The following TAOK3 variants were observed in gnomAD, a reference collection of about 807,000 sequenced individuals.
TAOK3 encodes serine/threonine-protein kinase TAO3.
A neutral mutation model predicts 120.4 loss-of-function variants in TAOK3; 40 were observed. The ratio of observed to expected loss-of-function variants is 0.33; its 90% CI spans 0.26 to 0.43. The LOEUF (loss-of-function observed/expected upper bound fraction) is 0.43. Ranked by LOEUF, TAOK3 falls within the 20% of genes least tolerant of loss-of-function variation. The pLI, the probability that TAOK3 is intolerant of heterozygous loss-of-function variation, is 1.00. For missense variants in TAOK3, 821 were observed against 1,112.1 expected (o/e 0.74, Z 3.72); for synonymous variants, 355 against 387.5 (o/e 0.92, Z 0.99).
At chr12:118,297,375 G>T (rs1047109410) in intron 1 of TAOK3, among the ~76,000 whole-genome samples, 1 of 152,122 alleles carries the variant, frequency 6.6e-6, no homozygotes, top group Non-Finnish European at 1.5e-5. Context: ...TGCTTTCTAT[G>T]TCATTCTCTG....
chr12:118,354,359 A>T (rs1157692279), intron 1 of TAOK3, among the ~76,000 whole-genome samples: 2 of 152,220 alleles, frequency 1.3e-5, no homozygotes, highest in African/African-American at 2.4e-5. Context: ...ATAGGCACGT[A>T]GCATCTACAG....
intron 6 of TAOK3, 95 bp from the exon 7 acceptor site, chr12:118,238,264 C>G (rs546928298): frequency 6.4e-6 from 4 of 626,290 alleles, no homozygotes; most frequent in Non-Finnish European, 1.1e-5. Context: ...TACATACTTT[C>G]TCACATGACA....
chr12:118,364,779 C>T (rs2045698728), intron 1 of TAOK3, among the ~76,000 whole-genome samples: 1 of 152,132 alleles, frequency 6.6e-6, no homozygotes, highest in Non-Finnish European at 1.5e-5. Context: ...GTGGCGGGTG[C>T]CTGTAATCGC....
rs1233883420 is a variant in TAOK3, at chr12:118,160,834, T to C, written c.2140-476A>G. 1.3e-5 allele frequency among the ~76,000 whole-genome samples: 2 copies of C among 152,198 alleles called. No individual in the cohort carries two copies. The highest frequency in any genetic ancestry group is 2.4e-5 in the African/African-American group (1 of 41,452). On this transcript the variant is annotated intron_variant, in intron 18 of 20. Transcript: ENST00000392533. The surrounding 1 kb of genome is among the most constrained non-coding windows in gnomAD (Gnocchi z 4.2). ...CTCTCACTGCTCTGGTTTATAGCAA[T>C]TTCTTATCAACTCCATAAAGGAGAG... is the stretch of plus-strand genomic sequence containing the variant.
chr12:118,191,681 C>T (rs1378081705), intron 13 of TAOK3, among the ~76,000 whole-genome samples: 5 of 152,076 alleles, frequency 3.3e-5, no homozygotes, highest in African/African-American at 1.2e-4. Context: ...CAGGGAAGAG[C>T]GAGAACGTGT....
intron 2 of TAOK3, among the ~76,000 whole-genome samples, chr12:118,263,975 A>G (rs1764770381): frequency 6.6e-6 from 1 of 152,116 alleles, no homozygotes; most frequent in African/African-American, 2.4e-5. Context: ...CTGAGGAAGG[A>G]GAAGTGCTTG....
intron 1 of TAOK3, among the ~76,000 whole-genome samples, chr12:118,358,170 C>CA (rs906414604): frequency 1.3e-4 from 19 of 150,254 alleles, no homozygotes; most frequent in African/African-American, 1.9e-4. Context: ...GATGACATGT[C>CA]AAAAAAAAAG....
rs568658036 is a variant in TAOK3 at position 118,225,848 on chromosome 12, T to A, written c.643+7826A>T. ...CAATCTGTCCATCGCCTCATATAGT[T>A]ACTATTTTTTTTTGTTGTAGGAACA... On this transcript the variant is annotated intron_variant, in intron 9 of 20. Transcript: ENST00000392533. Among the ~76,000 whole-genome samples, 3 of 152,338 alleles carry A rather than the reference T, an allele frequency of 2.0e-5. No homozygotes were observed. The South Asian group carries it at 6.2e-4, about 32-fold the overall frequency.
At chr12:118,279,043 G>T (rs927933481) in intron 1 of TAOK3, among the ~76,000 whole-genome samples, 2 of 152,106 alleles carry the variant, frequency 1.3e-5, no homozygotes, top group South Asian at 4.1e-4. Context: ...CTGACCTCTT[G>T]ATCACCACAG....
intron 17 of TAOK3, among the ~76,000 whole-genome samples, chr12:118,170,428 C>T (rs79368799): frequency 0.012 from 1,880 of 152,254 alleles, 39 homozygotes; most frequent in African/African-American, 0.042. Context: ...GGGCTAATCT[C>T]TTTAAAGTAC....
At chr12:118,345,663 T>C (rs1348724360) in intron 1 of TAOK3, among the ~76,000 whole-genome samples, 5 of 150,900 alleles carry the variant, frequency 3.3e-5, no homozygotes, top group African/African-American at 4.9e-5. Flanking sequence ...GGACATACAA[T>C]GTAATAATGC....
At chr12:118,337,036 G>A (rs2044397016) in intron 1 of TAOK3, among the ~76,000 whole-genome samples, 1 of 152,002 alleles carries the variant, frequency 6.6e-6, no homozygotes, top group Admixed American at 6.6e-5. Context: ...CTCCAGCCTG[G>A]GCAACAGAAG....
intron 1 of TAOK3, among the ~76,000 whole-genome samples, chr12:118,294,923 C>G (rs1189760263): frequency 6.6e-6 from 1 of 152,026 alleles, no homozygotes; most frequent in Admixed American, 6.6e-5. Context: ...GGTGAAGAGG[C>G]TGGGGAAAGA....
chr12:118,234,455 A>G lies in TAOK3; in HGVS notation c.552-690T>C, dbSNP rs370565102. 2.9e-4 allele frequency among the ~76,000 whole-genome samples: 44 copies of G among 152,160 alleles called. No individual in the cohort carries two copies. The South Asian group carries it at 4.2e-3, about 14-fold the overall frequency. On this transcript the variant is annotated intron_variant, in intron 8 of 20. Coordinates refer to ENST00000392533, the MANE Select transcript of TAOK3 (RefSeq NM_016281.4). The stretch of plus-strand genomic sequence containing the variant: ...GAGACGCGGTTTCACCATGTTAGCC[A>G]GGATGGTCTCGATCTCCTGACCTCG...
intron 3 of TAOK3, among the ~76,000 whole-genome samples, chr12:118,248,371 A>G (rs1212962342): frequency 1.3e-5 from 2 of 152,160 alleles, no homozygotes; most frequent in African/African-American, 4.8e-5. Context: ...GAAAGTACAG[A>G]ATGACTTTTG....
chr12:118,236,774 T>C (rs1335933626), intron 7 of TAOK3: 1 of 152,166 alleles, frequency 6.6e-6, no homozygotes, highest in East Asian at 1.9e-4. Flanking sequence ...GGAGATTGAA[T>C]TGCCTTTAAA....
At position 118,327,370 on chromosome 12, in the gene TAOK3, C is replaced by A. The variant is rs1432037315; in HGVS notation, c.-194+45278G>T. Among the ~76,000 whole-genome samples the A allele has an allele frequency of 2.6e-5, 4 of 152,250 alleles. No homozygotes were observed. In the East Asian group the frequency reaches 7.7e-4, roughly 29 times the overall value. On this transcript the variant is annotated intron_variant, in intron 1 of 20. Coordinates refer to ENST00000392533, the MANE Select transcript of TAOK3 (RefSeq NM_016281.4). ...ACTAGAATTAGTGAAAGTTCAATTT[C>A]TTAACTTTCTAATCATAGCATGAAA...
chr12:118,178,543 C>A (rs2036493322), intron 15 of TAOK3, among the ~76,000 whole-genome samples: 2 of 152,100 alleles, frequency 1.3e-5, no homozygotes, highest in Admixed American at 1.3e-4. Flanking sequence ...CTGCAACCTC[C>A]ACCTCCTGCG....
In TAOK3 at chr12:118,161,900, C is replaced by T. The variant is rs768236079; in HGVS notation, c.2027G>A (p.Arg676His). The change falls in exon 18 of 21, where the codon CGT becomes CAT. Residue 676 changes from arginine (R) to histidine (H), a missense_variant. By Grantham distance (29) the Arg-to-His change is conservative. Transcript: ENST00000392533. This position sits in a 1 kb window ranked among gnomAD's most constrained non-coding sequence, Gnocchi z 4.5. Reference sequence around the variant, plus strand: ...TTCCAGTTCCGTCTGGTGCTGTAAACGGATCAGATCCATGCGTAGCTTCTG... The same window carrying T: ...TTCCAGTTCCGTCTGGTGCTGTAAATGGATCAGATCCATGCGTAGCTTCTG... ...TLQKLRMDLIRLQHQTELENQ... is the reference protein window; with the variant it reads ...TLQKLRMDLIHLQHQTELENQ... 6.8e-6 allele frequency: 11 copies of T among 1,613,986 alleles called. No homozygotes were observed. The highest frequency in any genetic ancestry group is 2.2e-5 in the East Asian group (1 of 44,896).
Sources: allele counts gnomAD v4.1 joint callset (sites outside exome capture counted in the v4.1 genomes callset), GRCh38; gene constraint gnomAD v4.1.1; non-coding constraint Gnocchi (gnomAD v3.1); transcripts MANE v1.5; gene names NCBI Gene and HGNC (gene_info 2026-07-23, HGNC 2026-07-21).